Variants in PANK2 observed in about 807,000 individuals in gnomAD.
PANK2 encodes the protein pantothenate kinase 2.
PANK2 carries 36 observed loss-of-function variants against 43.1 expected under a neutral mutation model. The observed-to-expected ratio is 0.84, with a 90% CI of 0.64 to 1.10. The LOEUF is 1.10. Ranked by LOEUF, PANK2 falls within the 50% of genes least tolerant of loss-of-function variation. The pLI is 0.00. For missense variants in PANK2, 576 were observed against 593.3 expected (o/e 0.97, Z 0.30); for synonymous variants, 281 against 238.2 (o/e 1.18, Z -1.66).
chr20:3,893,031 A>G (rs1472185449), intron 1 of PANK2, among the ~76,000 whole-genome samples: 1 of 152,190 alleles, frequency 6.6e-6, no homozygotes, highest in Non-Finnish European at 1.5e-5. Context: ...AATGATGGTA[A>G]TGTAGCTACC....
chr20:3,902,031 T>C (rs1241586973), intron 1 of PANK2, among the ~76,000 whole-genome samples: 1 of 151,998 alleles, frequency 6.6e-6, no homozygotes, highest in Non-Finnish European at 1.5e-5. Flanking sequence ...TGTCTTCCCC[T>C]TCTCTGCTGA....
intron 2 of PANK2, among the ~76,000 whole-genome samples, chr20:3,910,232 T>C (rs774736359): frequency 1.3e-5 from 2 of 152,128 alleles, no homozygotes; most frequent in African/African-American, 4.8e-5. Context: ...GAGCTTGGTA[T>C]CAGCCCCATT....
At chr20:3,897,666 C>T (rs2090232026) in intron 1 of PANK2, among the ~76,000 whole-genome samples, 1 of 151,792 alleles carries the variant, frequency 6.6e-6, no homozygotes, top group Admixed American at 6.6e-5. Context: ...TACCACTGTA[C>T]TCTAGCCTGG....
At position 3,907,922 on chromosome 20, in the gene PANK2, T is replaced by G. The variant is rs1407597727; in HGVS notation, c.299-4T>G. The G allele has an allele frequency of 6.2e-7, 1 of 1,613,772 alleles. No homozygotes were observed. Among genetic ancestry groups the G allele is most frequent in the South Asian group, 1.1e-5 (1 of 91,066 alleles). ...GTTCTGACTTATTTTTCTTCCCCAT[T>G]TAGTTTTTCCATGGTTTGGACTGGA... On this transcript the variant is annotated splice_polypyrimidine_tract_variant and splice_region_variant and intron_variant, in intron 1 of 6. Transcript: ENST00000610179.
Position 3,917,980 on chromosome 20 carries a change from G to T in PANK2, c.1207-691G>T, listed in dbSNP as rs865870103. Among the ~76,000 whole-genome samples, 5 of 152,134 alleles carry T rather than the reference G, an allele frequency of 3.3e-5. No individual in the cohort carries two copies. In the South Asian group the frequency reaches 1.0e-3, roughly 31 times the overall value. ...ATCAAATAACAGAGCTTGGCATTTGGTTGCTTGCTCATAACTCGGCAGTAA... is the reference window on the plus strand; with the variant it reads ...ATCAAATAACAGAGCTTGGCATTTGTTTGCTTGCTCATAACTCGGCAGTAA... On this transcript the variant is annotated intron_variant, in intron 5 of 6. Coordinates refer to ENST00000610179, the MANE Select transcript of PANK2 (RefSeq NM_001386393.1).
chr20:3,924,255 G>A lies in PANK2; in HGVS notation c.*961G>A, dbSNP rs1227507218. The A allele has an allele frequency of 1.3e-5, 2 of 152,292 alleles. No individual in the cohort carries two copies. Among genetic ancestry groups the A allele is most frequent in the Non-Finnish European group, 2.9e-5 (2 of 68,086 alleles). 9.4% of individuals were successfully genotyped at this position (152,292 alleles called of 1,614,324 possible). Reference sequence around the variant, plus strand: ...TCTGCTTTGCAGAATAATTTCAAAAGCCTTTCCCAAGGAGAGAATGCACCT... The same window carrying A: ...TCTGCTTTGCAGAATAATTTCAAAAACCTTTCCCAAGGAGAGAATGCACCT... On this transcript the variant is annotated 3_prime_UTR_variant, in exon 7 of 7. Transcript: ENST00000610179.
intron 5 of PANK2, 35 bp downstream of exon 5, chr20:3,917,085 G>T: frequency 6.2e-7 from 1 of 1,612,716 alleles, no homozygotes; most frequent in South Asian, 1.1e-5. Flanking sequence ...TTGCTCTAAG[G>T]AAAATACTGA....
rs181988699 is a variant in PANK2, at chr20:3,904,902, C to T, written c.299-3024C>T. 2.5e-3 allele frequency among the ~76,000 whole-genome samples: 388 copies of T among 152,210 alleles called. 2 individuals carry two copies. Among genetic ancestry groups the T allele is most frequent in the Non-Finnish European group, 4.5e-3 (305 of 68,022 alleles). ...GGTTTGAGAATTCCTGTTCTTCTGC[C>T]AGTGGATTCAGTGTCTGTTTACCAG... On this transcript the variant is annotated intron_variant, in intron 1 of 6. Transcript: ENST00000610179.
At chr20:3,888,868 G>A, upstream of PANK2, 1 of 483,226 alleles carries the variant, frequency 2.1e-6, no homozygotes, top group Non-Finnish European at 3.7e-6. Flanking sequence ...CGGCCTCGAC[G>A]GCAGCTGCGG....
At chr20:3,892,836 G>T (rs995192520) in intron 1 of PANK2, among the ~76,000 whole-genome samples, 2 of 152,140 alleles carry the variant, frequency 1.3e-5, no homozygotes, top group African/African-American at 4.8e-5. Flanking sequence ...TCCTAGAGCA[G>T]TGTAGTTCCC....
upstream of PANK2, chr20:3,889,079 G>T (rs199787176): frequency 4.2e-5 from 64 of 1,520,436 alleles, no homozygotes; most frequent in East Asian, 2.5e-4. Flanking sequence ...ATGCACAAGT[G>T]GGGGGCGGAA....
chr20:3,906,862 G>A (rs149206661), intron 1 of PANK2, among the ~76,000 whole-genome samples: 8 of 151,982 alleles, frequency 5.3e-5, no homozygotes, highest in South Asian at 2.1e-4. Flanking sequence ...GCAGTGGTGC[G>A]ATCTTGGCTC....
chr20:3,922,481 G>C, intron 6 of PANK2, among the ~76,000 whole-genome samples: 1 of 152,160 alleles, frequency 6.6e-6, no homozygotes, highest in East Asian at 1.9e-4. Flanking sequence ...TGCTTCCTCA[G>C]GCTTTGCTCT....
chr20:3,903,999 T>C (rs2090347419), intron 1 of PANK2, among the ~76,000 whole-genome samples: 1 of 152,098 alleles, frequency 6.6e-6, no homozygotes, highest in Admixed American at 6.6e-5. Context: ...TTTCACCATA[T>C]TGGTCAGGCT....
chr20:3,915,345 C>T (rs2090541723), intron 4 of PANK2, among the ~76,000 whole-genome samples: 2 of 152,108 alleles, frequency 1.3e-5, no homozygotes, highest in South Asian at 4.2e-4. Flanking sequence ...TGTCACCAGG[C>T]TGGAGTGCAG....
chr20:3,913,980 G>A (rs1364832546), intron 4 of PANK2, among the ~76,000 whole-genome samples: 17 of 151,580 alleles, frequency 1.1e-4, no homozygotes, highest in Middle Eastern at 3.4e-3. Context: ...TAGCAGAGAT[G>A]GGGTTTCACT....
At chr20:3,907,858 T>A in intron 1 of PANK2, 68 bp from the exon 2 acceptor site, 1 of 1,352,200 alleles carries the variant, frequency 7.4e-7, no homozygotes, top group Non-Finnish European at 1.0e-6. Context: ...AATAAGTTGC[T>A]ACTGTGGTAA....
Position 3,926,940 on chromosome 20 carries a change from C to CAAA in PANK2, c.*3665_*3667dup, listed in dbSNP as rs11471571. 1,101 of 108,336 alleles carry CAAA rather than the reference C, an allele frequency of 0.01. 27 individuals are homozygous for CAAA. The highest frequency in any genetic ancestry group is 0.031 in the Admixed American group (298 of 9,724). 6.7% of individuals were successfully genotyped at this position (108,336 alleles called of 1,614,324 possible). On this transcript the variant is annotated 3_prime_UTR_variant, in exon 7 of 7. Transcript: ENST00000610179. ...AGCCTGGGTGACAGCAAGACTGTCT[C>CAAA]AAAAAAAAAAAAAAAAAAAAATCCG...
At chr20:3,888,948 C>T (rs2090058588), upstream of PANK2, 7 of 572,506 alleles carry the variant, frequency 1.2e-5, no homozygotes, top group South Asian at 5.7e-5. Flanking sequence ...CGACCAGCGG[C>T]CAGACGCTGC....
Sources: allele counts gnomAD v4.1 joint callset (sites outside exome capture counted in the v4.1 genomes callset), GRCh38; gene constraint gnomAD v4.1.1; transcripts MANE v1.5; gene names NCBI Gene and HGNC (gene_info 2026-07-23, HGNC 2026-07-21).